LYNX1: variants seen among roughly 807,000 people sequenced by gnomAD.
The protein encoded by LYNX1 is ly-6/neurotoxin-like protein 1.
A neutral mutation model predicts 8.3 loss-of-function variants in LYNX1; 8 were observed. The ratio of observed to expected loss-of-function variants is 0.97; its 90% CI spans 0.57 to 1.74. The LOEUF (loss-of-function observed/expected upper bound fraction) is 1.74. Ranked by LOEUF, LYNX1 falls within the 40% of genes most tolerant of loss-of-function variation. The pLI, the probability that LYNX1 is intolerant of heterozygous loss-of-function variation, is 0.00. For synonymous variants in LYNX1, 73 were observed against 67.9 expected (o/e 1.08, Z -0.37); for missense variants, 158 against 159.7 (o/e 0.99, Z 0.06).
In LYNX1 at chr8:142,775,672, C is replaced by A; in HGVS notation, c.75G>T (p.Val25=). 6.2e-7 allele frequency: 1 copy of A among 1,601,506 alleles called. No homozygotes were observed. The highest frequency in any genetic ancestry group is 1.7e-4 in the Middle Eastern group (1 of 6,052). The change falls in exon 3 of 4, where the codon GTG becomes GTT. Residue 25 remains valine, a synonymous_variant. Transcript: ENST00000652477. The part of the protein sequence containing the change: ...LPLAQALDCH[V]CAYNGDNCFN... Reference sequence around the variant, plus strand: ...AGCAGTTGTCTCCGTTGTAGGCACACACGTGGCAGTCCAAGGCCTGGGCTG... The same window carrying A: ...AGCAGTTGTCTCCGTTGTAGGCACAAACGTGGCAGTCCAAGGCCTGGGCTG...
chr8:142,771,760 A>T lies in LYNX1; in HGVS notation c.*3407T>A, dbSNP rs1246891326. 1 of 985,620 alleles carries T rather than the reference A, an allele frequency of 1.0e-6. No individual in the cohort carries two copies. The highest frequency in any genetic ancestry group is 1.7e-5 in the African/African-American group (1 of 57,182). The allele number at this position is 985,620 out of a possible 1,614,324, so 61.1% of individuals were successfully genotyped here. The stretch of plus-strand genomic sequence containing the variant: ...CAAATCGCCTTCATGAGAGATGACG[A>T]ATCAGATGCTACATAGTGGGGGAGG... On this transcript the variant is annotated 3_prime_UTR_variant, in exon 4 of 4. Coordinates refer to ENST00000652477, the MANE Select transcript of LYNX1 (RefSeq NM_177477.4).
chr8:142,775,210 G>A lies in LYNX1; in HGVS notation c.308C>T (p.Ala103Val), dbSNP rs1307961122. The change falls in exon 4 of 4, where the codon GCC (alanine) becomes GTC (valine). Residue 103 changes from alanine (A) to valine (V), a missense_variant. Ala to Val is a moderately conservative substitution (Grantham distance 64). Transcript: ENST00000652477. ...GGTGGCCAGGAGGATGGGGGCCAGG[G>A]CCAGGGTGGCCGGGGTGGCAAGGCC... ...GTGLATPATLALAPILLATLW... is the reference protein window; with the variant it reads ...GTGLATPATLVLAPILLATLW... 6.2e-7 allele frequency: 1 copy of A among 1,613,048 alleles called. No homozygotes were observed. The highest frequency in any genetic ancestry group is 1.7e-5 in the Admixed American group (1 of 59,892).
At position 142,774,149 on chromosome 8, in the gene LYNX1, T is replaced by TTGCCCCCC; in HGVS notation, c.*1017_*1018insGGGGGGCA. Reference sequence around the variant, plus strand: ...CGGGGGAGGGGCTGGGTCTCCGCCCTCCCCACCCCACCCTCCCCACTCCCG... The same window carrying TTGCCCCCC: ...CGGGGGAGGGGCTGGGTCTCCGCCCTTGCCCCCCCCCCACCCCACCCTCCCCACTCCCG... On this transcript the variant is annotated 3_prime_UTR_variant, in exon 4 of 4. Transcript: ENST00000652477. 8.3e-6 allele frequency: 6 copies of TTGCCCCCC among 725,202 alleles called. No homozygotes were observed. Among genetic ancestry groups the TTGCCCCCC allele is most frequent in the South Asian group, 6.5e-5 (1 of 15,338 alleles). 44.9% of individuals were successfully genotyped at this position (725,202 alleles called of 1,614,324 possible).
chr8:142,775,510 C>G (rs1261896781), intron 3 of LYNX1, 83 bp downstream of exon 3: 1 of 1,554,736 alleles, frequency 6.4e-7, no homozygotes, highest in Non-Finnish European at 8.7e-7. Context: ...CCTCCTTCCT[C>G]AGGACCCCCG....
In LYNX1 at chr8:142,776,066, G is replaced by T; in HGVS notation, c.-109C>A. ...ATCCAACTCAGGGTGGTGCGCAGAG[G>T]ACGTGGGGCCGGCCCTGCCTCCCGG... is the stretch of plus-strand genomic sequence containing the variant. On this transcript the variant is annotated 5_prime_UTR_variant, in exon 2 of 4. Coordinates refer to ENST00000652477, the MANE Select transcript of LYNX1 (RefSeq NM_177477.4). 1 of 1,321,582 alleles carries T rather than the reference G, an allele frequency of 7.6e-7. No individual in the cohort carries two copies. The highest frequency in any genetic ancestry group is 1.4e-5 in the African/African-American group (1 of 68,992). 81.9% of individuals were successfully genotyped at this position (1,321,582 alleles called of 1,614,324 possible).
chr8:142,775,515 C>G (rs752442797), intron 3 of LYNX1, 78 bp downstream of exon 3: 28 of 1,552,392 alleles, frequency 1.8e-5, no homozygotes, highest in African/African-American at 2.7e-5. Flanking sequence ...TTCCTCAGGA[C>G]CCCCGCATGC....
chr8:142,775,294 C>T lies in LYNX1; in HGVS notation c.224G>A (p.Gly75Asp). The T allele has an allele frequency of 6.2e-7, 1 of 1,614,002 alleles. No homozygotes were observed. The highest frequency in any genetic ancestry group is 8.5e-7 in the Non-Finnish European group (1 of 1,179,998). The change falls in exon 4 of 4, where the codon GGC becomes GAC. Residue 75 changes from glycine to aspartate, a missense_variant. Coordinates refer to ENST00000652477, the MANE Select transcript of LYNX1 (RefSeq NM_177477.4). ...VPRCFETVYDGYSKHASTTSC... is the reference protein window; with the variant it reads ...VPRCFETVYDDYSKHASTTSC... The stretch of plus-strand genomic sequence containing the variant: ...GGTGGTGGACGCGTGCTTGGAGTAG[C>T]CATCATACACAGTCTCGAAGCAGCG...
In LYNX1 at chr8:142,772,105, T is replaced by A; in HGVS notation, c.*3062A>T. On this transcript the variant is annotated 3_prime_UTR_variant, in exon 4 of 4. Transcript: ENST00000652477. ...CAGAGCCCGCCCAAGCAGCCACTCC[T>A]GTCCAGTTCCCAGAATGTATAACAT... 1 of 986,500 alleles carries A rather than the reference T, an allele frequency of 1.0e-6. No homozygotes were observed. The highest frequency in any genetic ancestry group is 1.2e-6 in the Non-Finnish European group (1 of 830,314). 61.1% of individuals were successfully genotyped at this position (986,500 alleles called of 1,614,324 possible). A position where few individuals can be genotyped will look rare whatever the true frequency, so the allele number is the denominator to read the frequency against.
In LYNX1 at chr8:142,772,332, T is replaced by G. The variant is rs1815218220; in HGVS notation, c.*2835A>C. ...TGCCTCTCCCCCTCTCCTCTGCCAC[T>G]CTGCCCTGCACCCAGAGGCAGCGCT... On this transcript the variant is annotated 3_prime_UTR_variant, in exon 4 of 4. Transcript: ENST00000652477. 1 of 985,560 alleles carries G rather than the reference T, an allele frequency of 1.0e-6. No individual in the cohort carries two copies. The highest frequency in any genetic ancestry group is 1.2e-6 in the Non-Finnish European group (1 of 830,016). The allele number at this position is 985,560 out of a possible 1,614,324, so 61.1% of individuals were successfully genotyped here. A position where few individuals can be genotyped will look rare whatever the true frequency, so the allele number is the denominator to read the frequency against.
rs1046634363 is a variant in LYNX1, at chr8:142,774,008, G to A, written c.*1159C>T. On this transcript the variant is annotated 3_prime_UTR_variant, in exon 4 of 4. Coordinates refer to ENST00000652477, the MANE Select transcript of LYNX1 (RefSeq NM_177477.4). Reference sequence around the variant, plus strand: ...GGCTGACCCCTGCTTCCCAGGCCTGGGGTGGGGTCCCTGGGAGTCCACACA... The same window carrying A: ...GGCTGACCCCTGCTTCCCAGGCCTGAGGTGGGGTCCCTGGGAGTCCACACA... 3.0e-6 allele frequency: 3 copies of A among 985,366 alleles called. No homozygotes were observed. The highest frequency in any genetic ancestry group is 3.6e-6 in the Non-Finnish European group (3 of 830,006). 61.0% of individuals were successfully genotyped at this position (985,366 alleles called of 1,614,324 possible).
In LYNX1 at chr8:142,775,345, A is replaced by G; in HGVS notation, c.173T>C (p.Met58Thr). Residue 58 changes from methionine to threonine, a missense_variant, in exon 4 of 4, where the codon ATG (methionine) becomes ACG (threonine). By Grantham distance (81) the Met-to-Thr change is moderately conservative. Transcript: ENST00000652477. ...TTRTYYTPTR[M>T]KVSKSCVPRC... ...GGGCACGCAGGACTTACTGACCTTC[A>G]TCCTGGTGGGGGTGTAGTCTGCAGA... 2 of 1,613,704 alleles carry G rather than the reference A, an allele frequency of 1.2e-6. No homozygotes were observed. The highest frequency in any genetic ancestry group is 1.7e-6 in the Non-Finnish European group (2 of 1,179,942).
rs1460855539 is a variant in LYNX1 at position 142,775,943 on chromosome 8, G to A, written c.15C>T (p.Leu5=). The A allele has an allele frequency of 1.2e-6, 2 of 1,614,010 alleles. No homozygotes were observed. The highest frequency in any genetic ancestry group is 1.7e-6 in the Non-Finnish European group (2 of 1,180,044). ...CCATGAGGACCACCAGGATCAGGGT[G>A]AGCAGGGGCGTCATGGCTGCAGGCA... The part of the protein sequence containing the change: MTPL[L]TLILVVLMGL... The change falls in exon 2 of 4, where the codon CTC becomes CTT. Residue 5 remains leucine, a synonymous_variant. Transcript: ENST00000652477.
rs1815283780 is a variant in LYNX1, at chr8:142,773,874, G to A, written c.*1293C>T. On this transcript the variant is annotated 3_prime_UTR_variant, in exon 4 of 4. Coordinates refer to ENST00000652477, the MANE Select transcript of LYNX1 (RefSeq NM_177477.4). ...CACTGGTCAGGTGGGGGCCTCAGGT[G>A]CAGCGTGACCGCTGGCACCAAAAGG... 2.0e-6 allele frequency: 2 copies of A among 985,308 alleles called. No individual in the cohort carries two copies. The highest frequency in any genetic ancestry group is 1.7e-5 in the African/African-American group (1 of 57,228). 61.0% of individuals were successfully genotyped at this position (985,308 alleles called of 1,614,324 possible). A position where few individuals can be genotyped will look rare whatever the true frequency, so the allele number is the denominator to read the frequency against.
Position 142,774,179 on chromosome 8 carries a change from C to G in LYNX1, c.*988G>C, listed in dbSNP as rs924208942. The G allele has an allele frequency of 1.0e-6, 1 of 984,500 alleles. No homozygotes were observed. 61.0% of individuals were successfully genotyped at this position (984,500 alleles called of 1,614,324 possible). A position where few individuals can be genotyped will look rare whatever the true frequency, so the allele number is the denominator to read the frequency against. On this transcript the variant is annotated 3_prime_UTR_variant, in exon 4 of 4. Transcript: ENST00000652477. ...ACCCCACCCTCCCCACTCCCGCCCCCGCACGGCCACGAGAGGGTGGCATGC... is the reference window on the plus strand; with the variant it reads ...ACCCCACCCTCCCCACTCCCGCCCCGGCACGGCCACGAGAGGGTGGCATGC...
At position 142,775,658 on chromosome 8, in the gene LYNX1, C is replaced by T. The variant is rs1245624013; in HGVS notation, c.89G>A (p.Gly30Glu). The change falls in exon 3 of 4, where the codon GGA becomes GAA. Residue 30 changes from glycine to glutamate, a missense_variant. Transcript: ENST00000652477. ...GCGCATGGGGTTGAAGCAGTTGTCT[C>T]CGTTGTAGGCACACACGTGGCAGTC... is the stretch of plus-strand genomic sequence containing the variant. ...ALDCHVCAYNGDNCFNPMRCP... is the reference protein window; with the variant it reads ...ALDCHVCAYNEDNCFNPMRCP... 1.2e-6 allele frequency: 2 copies of T among 1,604,030 alleles called. No individual in the cohort carries two copies. The highest frequency in any genetic ancestry group is 1.7e-6 in the Non-Finnish European group (2 of 1,175,446).
At position 142,772,678 on chromosome 8, in the gene LYNX1, T is replaced by C. The variant is rs1315337512; in HGVS notation, c.*2489A>G. 2.0e-6 allele frequency: 2 copies of C among 985,478 alleles called. No individual in the cohort carries two copies. Among genetic ancestry groups the C allele is most frequent in the African/African-American group, 3.5e-5 (2 of 57,240 alleles). 61.0% of individuals were successfully genotyped at this position (985,478 alleles called of 1,614,324 possible). On this transcript the variant is annotated 3_prime_UTR_variant, in exon 4 of 4. Coordinates refer to ENST00000652477, the MANE Select transcript of LYNX1 (RefSeq NM_177477.4). The stretch of plus-strand genomic sequence containing the variant: ...GGGGGACCCACGTCCATCGCCACCT[T>C]GATGCATACAACCCGGACAAGTTTA...
Position 142,772,125 on chromosome 8 carries a change from T to A in LYNX1, c.*3042A>T, listed in dbSNP as rs927081817. ...ACTCCTGTCCAGTTCCCAGAATGTA[T>A]AACATCCTAGGGTGACAGAGCCCGC... On this transcript the variant is annotated 3_prime_UTR_variant, in exon 4 of 4. Transcript: ENST00000652477. The A allele has an allele frequency of 1.0e-6, 1 of 985,464 alleles. No individual in the cohort carries two copies. Among genetic ancestry groups the A allele is most frequent in the African/African-American group, 1.8e-5 (1 of 56,754 alleles). 61.0% of individuals were successfully genotyped at this position (985,464 alleles called of 1,614,324 possible).
chr8:142,775,319 G>A lies in LYNX1; in HGVS notation c.199C>T (p.Arg67Cys), dbSNP rs182621790. The A allele has an allele frequency of 7.4e-6, 12 of 1,613,940 alleles. No homozygotes were observed. The highest frequency in any genetic ancestry group is 4.0e-5 in the African/African-American group (3 of 75,018). ...RMKVSKSCVPRCFETVYDGYS... is the reference protein window; with the variant it reads ...RMKVSKSCVPCCFETVYDGYS... ...CCATCATACACAGTCTCGAAGCAGC[G>A]GGGCACGCAGGACTTACTGACCTTC... The change falls in exon 4 of 4, where the codon CGC (arginine) becomes TGC (cysteine). Residue 67 changes from arginine (R) to cysteine (C), a missense_variant. Transcript: ENST00000652477.
Position 142,773,472 on chromosome 8 carries a change from C to T in LYNX1, c.*1695G>A. ...GAGTCACGTTCCTCCCGCTCCGGGC[C>T]CGTTCCCACCCAAGGTCCCTTTGCA... On this transcript the variant is annotated 3_prime_UTR_variant, in exon 4 of 4. Transcript: ENST00000652477. 1 of 985,542 alleles carries T rather than the reference C, an allele frequency of 1.0e-6. No homozygotes were observed. The highest frequency in any genetic ancestry group is 1.2e-6 in the Non-Finnish European group (1 of 829,996). The allele number at this position is 985,542 out of a possible 1,614,324, so 61.0% of individuals were successfully genotyped here.
Sources: allele counts gnomAD v4.1 joint callset, GRCh38; gene constraint gnomAD v4.1.1; transcripts MANE v1.5; gene names NCBI Gene and HGNC (gene_info 2026-07-23, HGNC 2026-07-21).